Variants in C1QTNF3 observed in about 807,000 individuals in gnomAD.
C1QTNF3 encodes the protein complement C1q tumor necrosis factor-related protein 3.
C1QTNF3 carries 26 observed loss-of-function variants against 32.6 expected under a neutral mutation model. The ratio of observed to expected loss-of-function variants is 0.80; its 90% CI spans 0.58 to 1.11. The LOEUF (loss-of-function observed/expected upper bound fraction) is 1.11, where lower values mean the gene tolerates loss of function less well. C1QTNF3 is among the 50% of genes least tolerant of loss of function. The probability of loss-of-function intolerance (pLI) is 0.00; values close to 1 mark genes in which losing one functional copy is unlikely to be tolerated. For missense variants in C1QTNF3, 362 were observed against 398.2 expected (o/e 0.91, Z 0.77); for synonymous variants, 155 against 146.0 (o/e 1.06, Z -0.44).
chr5:34,024,760 A>C (rs1445801437), intron 4 of C1QTNF3, among the ~76,000 whole-genome samples: 1 of 152,226 alleles, frequency 6.6e-6, no homozygotes, highest in Non-Finnish European at 1.5e-5. Context: ...AGCACACAAG[A>C]TACTTTCACT....
the C1QTNF3 span, among the ~76,000 whole-genome samples, chr5:34,188,782 A>T: frequency 6.6e-6 from 1 of 152,182 alleles, no homozygotes; most frequent in African/African-American, 2.4e-5. Flanking sequence ...CTGAAATAAG[A>T]GTTTGGGGGA....
the C1QTNF3 span, among the ~76,000 whole-genome samples, chr5:34,065,607 C>T: frequency 6.6e-6 from 1 of 151,930 alleles, no homozygotes; most frequent in Non-Finnish European, 1.5e-5. Flanking sequence ...GCAGAGGTTG[C>T]AGTTACCCGA....
the C1QTNF3 span, among the ~76,000 whole-genome samples, chr5:34,135,627 A>C: frequency 6.6e-6 from 1 of 151,420 alleles, no homozygotes; most frequent in Non-Finnish European, 1.5e-5. Flanking sequence ...TAAAGTTCAT[A>C]TGAAACCAAA....
chr5:34,057,887 T>C, the C1QTNF3 span, among the ~76,000 whole-genome samples: 1 of 152,190 alleles, frequency 6.6e-6, no homozygotes, highest in Non-Finnish European at 1.5e-5. Context: ...TTTCTTACCA[T>C]TGTAAACATG....
intron 2 of C1QTNF3, 98 bp downstream of exon 2, chr5:34,035,549 A>C (rs116609710): frequency 2.3e-6 from 2 of 884,594 alleles, no homozygotes; most frequent in African/African-American, 3.4e-5. Context: ...GATCCTTTGG[A>C]TCACACAGAA....
the C1QTNF3 span, among the ~76,000 whole-genome samples, chr5:34,162,302 C>T: frequency 6.6e-6 from 1 of 152,054 alleles, no homozygotes; most frequent in African/African-American, 2.4e-5. Context: ...CAAGAATGGG[C>T]CAAACTTGTT....
intron 1 of C1QTNF3, among the ~76,000 whole-genome samples, chr5:34,037,875 C>T (rs6451054): frequency 0.46 from 69,953 of 152,074 alleles, 17,180 homozygotes; most frequent in Non-Finnish European, 0.55. Flanking sequence ...TCCATATTTC[C>T]TGTTATGGTT....
the C1QTNF3 span, among the ~76,000 whole-genome samples, chr5:34,226,616 C>A: frequency 2.0e-5 from 3 of 151,472 alleles, no homozygotes; most frequent in African/African-American, 4.9e-5. Flanking sequence ...GACTCCTGAA[C>A]AACACAAGGT....
At chr5:34,118,503 GTCTT>G in the C1QTNF3 span, among the ~76,000 whole-genome samples, 2 of 152,126 alleles carry the variant, frequency 1.3e-5, no homozygotes, top group Non-Finnish European at 2.9e-5. Context: ...ATCTGGGAAT[GTCTT>G]TCTTTTGTCT....
At chr5:34,062,973 C>T in the C1QTNF3 span, among the ~76,000 whole-genome samples, 1 of 152,012 alleles carries the variant, frequency 6.6e-6, no homozygotes, top group Non-Finnish European at 1.5e-5. Context: ...GTTGCTGCTA[C>T]AGATTGAATG....
chr5:34,077,829 G>A, the C1QTNF3 span, among the ~76,000 whole-genome samples: 1 of 151,438 alleles, frequency 6.6e-6, no homozygotes, highest in African/African-American at 2.5e-5. Flanking sequence ...CACCTCAAGA[G>A]CAGAGGGCTC....
chr5:34,127,699 T>G, the C1QTNF3 span, among the ~76,000 whole-genome samples: 1 of 151,748 alleles, frequency 6.6e-6, no homozygotes, highest in Non-Finnish European at 1.5e-5. Flanking sequence ...GCGATTCTCC[T>G]GCCTCAGCCT....
At chr5:34,068,528 TAG>T in the C1QTNF3 span, among the ~76,000 whole-genome samples, 30 of 149,890 alleles carry the variant, frequency 2.0e-4, no homozygotes, top group East Asian at 1.2e-3. Context: ...TATACGTATA[TAG>T]AGAGAGAGAG....
chr5:34,134,964 T>C, the C1QTNF3 span, among the ~76,000 whole-genome samples: 2 of 152,174 alleles, frequency 1.3e-5, no homozygotes, highest in Admixed American at 6.5e-5. Context: ...CCATGTTAAA[T>C]AGGAGTGGTG....
the C1QTNF3 span, among the ~76,000 whole-genome samples, chr5:34,059,223 G>A: frequency 2.0e-3 from 300 of 152,204 alleles, 2 homozygotes; most frequent in African/African-American, 6.7e-3. Context: ...GCAAATGGCC[G>A]TCATCTTGCT....
chr5:34,223,312 T>C, the C1QTNF3 span, among the ~76,000 whole-genome samples: 16 of 151,334 alleles, frequency 1.1e-4, no homozygotes, highest in Non-Finnish European at 1.9e-4. Flanking sequence ...GAATGATGAT[T>C]TCCAATTTCA....
At chr5:34,128,544 G>C in the C1QTNF3 span, among the ~76,000 whole-genome samples, 1 of 152,204 alleles carries the variant, frequency 6.6e-6, no homozygotes, top group Non-Finnish European at 1.5e-5. Context: ...ATCTTGCAGA[G>C]ACACAAGAGT....
chr5:34,212,941 A>G, the C1QTNF3 span, among the ~76,000 whole-genome samples: 1 of 152,032 alleles, frequency 6.6e-6, no homozygotes, highest in Non-Finnish European at 1.5e-5. Flanking sequence ...TGCTGCTATA[A>G]AGACACATGC....
At chr5:34,144,545 A>T in the C1QTNF3 span, among the ~76,000 whole-genome samples, 1 of 152,240 alleles carries the variant, frequency 6.6e-6, no homozygotes, top group Non-Finnish European at 1.5e-5. Flanking sequence ...AGTAAGTCTC[A>T]ATAAATTCAA....
Sources: allele counts gnomAD v4.1 joint callset (sites outside exome capture counted in the v4.1 genomes callset), GRCh38; gene constraint gnomAD v4.1.1; transcripts MANE v1.5; gene names NCBI Gene and HGNC (gene_info 2026-07-23, HGNC 2026-07-21).